SORCS3: variants seen among roughly 807,000 people sequenced by gnomAD.
SORCS3 encodes VPS10 domain-containing receptor SorCS3.
Under a neutral mutation model 146.3 loss-of-function variants are expected in SORCS3, and 57 were observed. The observed-to-expected ratio is 0.39, with a 90% CI of 0.31 to 0.49. The LOEUF is 0.49. Among genes scored for constraint, SORCS3 ranks in the 20% least tolerant of loss-of-function variants. SORCS3 has a pLI of 0.92. For missense variants in SORCS3, 1,341 were observed against 1,575.5 expected (o/e 0.85, Z 2.52); for synonymous variants, 653 against 618.5 (o/e 1.06, Z -0.83).
At position 105,263,387 on chromosome 10, in the gene SORCS3, A is replaced by G. The variant is rs766564079; in HGVS notation, c.*13A>G. 7.4e-6 allele frequency: 12 copies of G among 1,613,524 alleles called. No individual in the cohort carries two copies. The highest frequency in any genetic ancestry group is 1.0e-5 in the Non-Finnish European group (12 of 1,179,508). ...CACTAGTGTTTAATACCAGCAAGCC[A>G]CGTGGTCAACCACCTTTCTGACTTT... On this transcript the variant is annotated 3_prime_UTR_variant, in exon 27 of 27. Transcript: ENST00000369701.
chr10:105,254,254 T>A (rs753328177), intron 23 of SORCS3, among the ~76,000 whole-genome samples: 1 of 152,230 alleles, frequency 6.6e-6, no homozygotes, highest in Non-Finnish European at 1.5e-5. Flanking sequence ...GGCAGCGGCC[T>A]ACATCCCCTG....
intron 1 of SORCS3, among the ~76,000 whole-genome samples, chr10:104,825,257 A>G (rs570723499): frequency 6.6e-6 from 1 of 152,180 alleles, no homozygotes; most frequent in African/African-American, 2.4e-5. Context: ...TGGCAGTACA[A>G]TACCCTTTAG....
At chr10:104,937,990 T>A (rs2019276739) in intron 3 of SORCS3, among the ~76,000 whole-genome samples, 1 of 152,166 alleles carries the variant, frequency 6.6e-6, no homozygotes, top group Non-Finnish European at 1.5e-5. Flanking sequence ...TGGTGAAGGA[T>A]GACAGATTGA....
At chr10:105,201,019 C>G in intron 15 of SORCS3, 101 bp from the exon 16 acceptor site, 1 of 1,304,868 alleles carries the variant, frequency 7.7e-7, no homozygotes, top group Non-Finnish European at 1.1e-6. Context: ...ACATAAAGTA[C>G]CTAAATGAGA....
chr10:105,265,158 G>A lies in SORCS3; in HGVS notation c.*1784G>A, dbSNP rs1589718144. 6.6e-6 allele frequency: 1 copy of A among 152,292 alleles called. No homozygotes were observed. The highest frequency in any genetic ancestry group is 1.5e-5 in the Non-Finnish European group (1 of 67,944). The allele number at this position is 152,292 out of a possible 1,614,324, so 9.4% of individuals were successfully genotyped here. ...TACATATACTGTTCTTGGTTTTATT[G>A]TTCCACTTGAATATTTCTACTGTAA... On this transcript the variant is annotated 3_prime_UTR_variant, in exon 27 of 27. Transcript: ENST00000369701.
chr10:105,197,845 G>A (rs1222982235), intron 14 of SORCS3, among the ~76,000 whole-genome samples: 1 of 152,000 alleles, frequency 6.6e-6, no homozygotes, highest in Non-Finnish European at 1.5e-5. Context: ...CATATTGAGG[G>A]CTTCCTCCAG....
chr10:104,866,303 G>A (rs1223125520), intron 2 of SORCS3, among the ~76,000 whole-genome samples: 1 of 152,164 alleles, frequency 6.6e-6, no homozygotes, highest in African/African-American at 2.4e-5. Flanking sequence ...AAAGAGATAT[G>A]CATTTCTGAA....
At chr10:105,260,437 A>G (rs2056953984) in intron 25 of SORCS3, among the ~76,000 whole-genome samples, 1 of 152,224 alleles carries the variant, frequency 6.6e-6, no homozygotes, top group Non-Finnish European at 1.5e-5. Flanking sequence ...ATTATACCAC[A>G]TTTAGAGAGC....
chr10:104,820,589 TG>T (rs1223584341), intron 1 of SORCS3, among the ~76,000 whole-genome samples: 7 of 152,214 alleles, frequency 4.6e-5, no homozygotes, highest in Admixed American at 2.0e-4. Flanking sequence ...CAAAATGCTC[TG>T]CTTTTCTGCA....
At chr10:104,865,418 A>G (rs1412461991) in intron 2 of SORCS3, among the ~76,000 whole-genome samples, 1 of 152,202 alleles carries the variant, frequency 6.6e-6, no homozygotes, top group Non-Finnish European at 1.5e-5. Flanking sequence ...ATTTCATGCT[A>G]TAAGTCATCA....
At chr10:104,912,896 A>G (rs535758013) in intron 2 of SORCS3, among the ~76,000 whole-genome samples, 4 of 152,314 alleles carry the variant, frequency 2.6e-5, no homozygotes, top group Admixed American at 6.5e-5. Context: ...AAAGCTGGAA[A>G]AGGGTGATGT....
chr10:104,686,350 A>G (rs1161335946), intron 1 of SORCS3, among the ~76,000 whole-genome samples: 5 of 152,214 alleles, frequency 3.3e-5, no homozygotes, highest in Admixed American at 1.3e-4. Flanking sequence ...GCATGGGGGC[A>G]GGAGCACAGG....
At chr10:105,188,468 A>G (rs1371797274) in intron 14 of SORCS3, among the ~76,000 whole-genome samples, 1 of 152,168 alleles carries the variant, frequency 6.6e-6, no homozygotes, top group African/African-American at 2.4e-5. Flanking sequence ...TCAACTGTGT[A>G]CCATCACTTC....
In SORCS3 at chr10:105,157,278, C is replaced by T. The variant is rs907197719; in HGVS notation, c.1623C>T (p.Cys541=). 4 of 1,613,802 alleles carry T rather than the reference C, an allele frequency of 2.5e-6. No individual in the cohort carries two copies. Among genetic ancestry groups the T allele is most frequent in the African/African-American group, 1.3e-5 (1 of 74,946 alleles). Residue 541 remains cysteine (C), a synonymous_variant, in exon 10 of 27, where the codon TGC becomes TGT. Transcript: ENST00000369701. The part of the protein sequence containing the change: ...DVDLRGSPVH[C]LLPFCSLHLH... Reference sequence around the variant, plus strand: ...ACCTGAGAGGAAGCCCAGTGCACTGCCTGCTGGTCAGTCACTCAGCCTCAT... The same window carrying T: ...ACCTGAGAGGAAGCCCAGTGCACTGTCTGCTGGTCAGTCACTCAGCCTCAT...
chr10:104,716,496 C>T (rs1274459361), intron 1 of SORCS3, among the ~76,000 whole-genome samples: 3 of 151,690 alleles, frequency 2.0e-5, no homozygotes, highest in East Asian at 3.9e-4. Context: ...AATGCTCACA[C>T]TAATCCAAGA....
chr10:105,050,777 T>C (rs934484599), intron 5 of SORCS3, among the ~76,000 whole-genome samples: 1 of 152,148 alleles, frequency 6.6e-6, no homozygotes, highest in African/African-American at 2.4e-5. Context: ...CTCTGATCCT[T>C]ATTCTTTGCT....
At chr10:104,754,309 C>G (rs950683627) in intron 1 of SORCS3, among the ~76,000 whole-genome samples, 1 of 152,146 alleles carries the variant, frequency 6.6e-6, no homozygotes, top group African/African-American at 2.4e-5. Flanking sequence ...TGTTAAACAT[C>G]AGATTGTCAG....
intron 5 of SORCS3, among the ~76,000 whole-genome samples, chr10:105,052,438 G>A (rs1016351586): frequency 6.6e-6 from 1 of 152,016 alleles, no homozygotes; most frequent in Non-Finnish European, 1.5e-5. Context: ...TACTCATTTC[G>A]CTCAGAAATA....
chr10:105,011,152 C>T (rs192840532), intron 4 of SORCS3, among the ~76,000 whole-genome samples: 1 of 152,308 alleles, frequency 6.6e-6, no homozygotes. Context: ...GTGCTCCTCT[C>T]TGTGCCTGTT....
Sources: allele counts gnomAD v4.1 joint callset (sites outside exome capture counted in the v4.1 genomes callset), GRCh38; gene constraint gnomAD v4.1.1; transcripts MANE v1.5; gene names NCBI Gene and HGNC (gene_info 2026-07-23, HGNC 2026-07-21).